The following PAX2 variants were observed in gnomAD, a reference collection of about 807,000 sequenced individuals.
PAX2 encodes the protein paired box 2.
PAX2 carries 9 observed loss-of-function variants against 41.7 expected under a neutral mutation model. That is an observed-to-expected ratio of 0.22 (90% confidence interval 0.13 to 0.38). The LOEUF (loss-of-function observed/expected upper bound fraction) is 0.38, where lower values mean the gene tolerates loss of function less well. PAX2 is among the 10% of genes least tolerant of loss of function. The pLI is 1.00. For synonymous variants in PAX2, 221 were observed against 212.7 expected, an observed-to-expected ratio of 1.04 and a Z score of -0.34; for missense variants, 418 against 531.6, an observed-to-expected ratio of 0.79 and a Z score of 2.10.
In PAX2 at chr10:100,758,409, G is replaced by A. The variant is rs573142889; in HGVS notation, c.410+7518G>A. Reference sequence around the variant, plus strand: ...CCCGCCTCGGCCTCCCAGATTGCTGGGATTACAGGCGTGAGCCACCGCGCC... The same window carrying A: ...CCCGCCTCGGCCTCCCAGATTGCTGAGATTACAGGCGTGAGCCACCGCGCC... On this transcript the variant is annotated intron_variant, in intron 3 of 9. Transcript: ENST00000355243. 2.4e-3 allele frequency among the ~76,000 whole-genome samples: 368 copies of A among 151,968 alleles called. 1 individual carries two copies. Among genetic ancestry groups the A allele is most frequent in the African/African-American group, 8.1e-3 (337 of 41,444 alleles).
rs1848615969 is a variant in PAX2 at position 100,827,482 on chromosome 10, C to T, written c.1109-61C>T. On this transcript the variant is annotated intron_variant, in intron 9 of 9. Coordinates refer to ENST00000355243, the MANE Select transcript of PAX2 (RefSeq NM_000278.5). The surrounding 1 kb of genome is among the most constrained non-coding windows in gnomAD (Gnocchi z 8.5). ...GAGGTCTTTTCTGTGCTTTTCTTTC[C>T]TTTTTTGTTCTCCTGTTTGTCCTCT... 7.7e-6 allele frequency: 12 copies of T among 1,549,100 alleles called. No homozygotes were observed. The Middle Eastern group carries it at 5.1e-4, about 65-fold the overall frequency.
In PAX2 at chr10:100,745,755, G is replaced by C; in HGVS notation, c.-506G>C. 1 of 1,043,626 alleles carries C rather than the reference G, an allele frequency of 9.6e-7. No homozygotes were observed. The highest frequency in any genetic ancestry group is 1.2e-6 in the Non-Finnish European group (1 of 865,848). The allele number at this position is 1,043,626 out of a possible 1,614,324, so 64.6% of individuals were successfully genotyped here. A position where few individuals can be genotyped will look rare whatever the true frequency, so the allele number is the denominator to read the frequency against. ...CTCCCCTCCCGCAGGCGCCACCTCGGACATCCCCGGGATTGCTACTTCTCT... is the reference window on the plus strand; with the variant it reads ...CTCCCCTCCCGCAGGCGCCACCTCGCACATCCCCGGGATTGCTACTTCTCT... On this transcript the variant is annotated 5_prime_UTR_variant, in exon 1 of 10. Transcript: ENST00000355243.
At chr10:100,810,442 T>G (rs79719567) in intron 7 of PAX2, among the ~76,000 whole-genome samples, 5 of 152,102 alleles carry the variant, frequency 3.3e-5, no homozygotes. Context: ...ATTCTAGAAG[T>G]GTTGGAGACC....
chr10:100,827,663 C>T lies in PAX2; in HGVS notation c.*44C>T, dbSNP rs1426546557. On this transcript the variant is annotated 3_prime_UTR_variant, in exon 10 of 10. Transcript: ENST00000355243. This position sits in a 1 kb window ranked among gnomAD's most constrained non-coding sequence, Gnocchi z 8.5. ...CAAGCTTCAGGCCGACAGCTTCGGC[C>T]TCCACATCGTCCCCGTCTGACCCCA... The T allele has an allele frequency of 1.2e-6, 2 of 1,613,700 alleles. No individual in the cohort carries two copies. Among genetic ancestry groups the T allele is most frequent in the Non-Finnish European group, 1.7e-6 (2 of 1,179,882 alleles).
chr10:100,794,797 C>G (rs773079784), intron 5 of PAX2, among the ~76,000 whole-genome samples: 17 of 152,178 alleles, frequency 1.1e-4, no homozygotes, highest in African/African-American at 3.9e-4. Flanking sequence ...ACTAAAACCT[C>G]GAGATCTTTT....
chr10:100,761,580 C>T (rs1447311644), intron 3 of PAX2, among the ~76,000 whole-genome samples: 1 of 152,204 alleles, frequency 6.6e-6, no homozygotes, highest in African/African-American at 2.4e-5. Flanking sequence ...GCATTAATCG[C>T]ATTAAAGAGG....
At chr10:100,821,576 G>A (rs552168561) in intron 7 of PAX2, among the ~76,000 whole-genome samples, 212 of 152,330 alleles carry the variant, frequency 1.4e-3, no homozygotes, top group South Asian at 7.5e-3. Flanking sequence ...CTACCTGAGG[G>A]AAGTTGCCAT....
chr10:100,735,588 G>T, exon 1 of PAX2: 1 of 823,198 alleles, frequency 1.2e-6, no homozygotes, highest in Non-Finnish European at 1.5e-6. Context: ...GCTTGGTGTT[G>T]GGTGGCTGCG....
At chr10:100,804,691 G>A (rs1444687366) in intron 5 of PAX2, among the ~76,000 whole-genome samples, 2 of 152,180 alleles carry the variant, frequency 1.3e-5, no homozygotes, top group Admixed American at 6.5e-5. Context: ...TTCCACACAC[G>A]CAGACCCTTG....
chr10:100,735,819 C>T, intron 1 of PAX2: 1 of 870,870 alleles, frequency 1.1e-6, no homozygotes, highest in South Asian at 5.4e-5. Flanking sequence ...GGGCTCCTCT[C>T]CTCTTTCATC....
rs67035383 is a variant in PAX2, at chr10:100,829,223, C to G, written c.*1604C>G. The G allele has an allele frequency of 0.15, 34,533 of 232,050 alleles. 2,936 individuals are homozygous for G. Among genetic ancestry groups the G allele is most frequent in the African/African-American group, 0.2 (9,182 of 45,168 alleles). The allele number at this position is 232,050 out of a possible 1,614,324, so 14.4% of individuals were successfully genotyped here. A position where few individuals can be genotyped will look rare whatever the true frequency, so the allele number is the denominator to read the frequency against. The stretch of plus-strand genomic sequence containing the variant: ...TTTTCGCTTTTTCCTCCCTGCCCCT[C>G]TCTCCCTCTGCCCCTCTCTCCTCTC... On this transcript the variant is annotated 3_prime_UTR_variant, in exon 10 of 10. Transcript: ENST00000355243.
rs1848615319 is a variant in PAX2, at chr10:100,827,471, GCTTTT to G, written c.1109-67_1109-63del. On this transcript the variant is annotated intron_variant, in intron 9 of 9. Coordinates refer to ENST00000355243, the MANE Select transcript of PAX2 (RefSeq NM_000278.5). The surrounding 1 kb of genome is among the most constrained non-coding windows in gnomAD (Gnocchi z 8.5). The stretch of plus-strand genomic sequence containing the variant: ...CCCAGCCAGGGGAGGTCTTTTCTGT[GCTTTT>G]CTTTCCTTTTTTGTTCTCCTGTTTG... 15 of 1,498,310 alleles carry G rather than the reference GCTTTT, an allele frequency of 1.0e-5. No homozygotes were observed. Among genetic ancestry groups the G allele is most frequent in the Non-Finnish European group, 1.4e-5 (15 of 1,075,008 alleles). The allele number at this position is 1,498,310 out of a possible 1,614,324, so 92.8% of individuals were successfully genotyped here.
chr10:100,771,888 A>G (rs1264197005), intron 3 of PAX2, among the ~76,000 whole-genome samples: 2 of 151,970 alleles, frequency 1.3e-5, no homozygotes, highest in Non-Finnish European at 2.9e-5. Context: ...GCTCACTGCA[A>G]CTTTCACCTC....
chr10:100,761,570 G>A (rs1161369902), intron 3 of PAX2, among the ~76,000 whole-genome samples: 1 of 152,210 alleles, frequency 6.6e-6, no homozygotes, highest in African/African-American at 2.4e-5. Flanking sequence ...TGCTAACTGA[G>A]CATTAATCGC....
At chr10:100,746,450 CTCGCCCGGTGTT>C in intron 1 of PAX2, 147 bp downstream of exon 1, 1 of 732,168 alleles carries the variant, frequency 1.4e-6, no homozygotes, top group South Asian at 1.4e-5. Flanking sequence ...CTTTCTCTCC[CTCGCCCGGTGTT>C]TCTAATGCCT....
intron 1 of PAX2, chr10:100,747,628 G>C (rs2133827028): frequency 1.0e-6 from 1 of 984,906 alleles, no homozygotes; most frequent in South Asian, 4.7e-5. Flanking sequence ...AGGGAGAGCT[G>C]TGTTTTTCGC....
chr10:100,824,841 G>C lies in PAX2; in HGVS notation c.1021+92G>C. The C allele has an allele frequency of 2.0e-6, 3 of 1,514,382 alleles. No homozygotes were observed. Among genetic ancestry groups the C allele is most frequent in the East Asian group, 2.3e-5 (1 of 44,404 alleles). The allele number at this position is 1,514,382 out of a possible 1,614,324, so 93.8% of individuals were successfully genotyped here. A position where few individuals can be genotyped will look rare whatever the true frequency, so the allele number is the denominator to read the frequency against. On this transcript the variant is annotated intron_variant, in intron 8 of 9. Coordinates refer to ENST00000355243, the MANE Select transcript of PAX2 (RefSeq NM_000278.5). This position sits in a 1 kb window ranked among gnomAD's most constrained non-coding sequence, Gnocchi z 6.6. ...TGGTCTGTAGTCTGAGGCTGGGGTGGGGGGAGACACAACGTCCCCTCCCTG... is the reference window on the plus strand; with the variant it reads ...TGGTCTGTAGTCTGAGGCTGGGGTGCGGGGAGACACAACGTCCCCTCCCTG...
At chr10:100,805,334 G>A (rs1032731454) in intron 5 of PAX2, among the ~76,000 whole-genome samples, 1 of 152,096 alleles carries the variant, frequency 6.6e-6, no homozygotes, top group Non-Finnish European at 1.5e-5. Context: ...GAACACCCTG[G>A]GGCCTCCGGC....
intron 5 of PAX2, 136 bp downstream of exon 5, chr10:100,781,501 C>A: frequency 1.1e-6 from 1 of 922,938 alleles, no homozygotes; most frequent in Non-Finnish European, 1.8e-6. Flanking sequence ...CCCCCCACTG[C>A]CCTGCTGGCT....
Sources: allele counts gnomAD v4.1 joint callset (sites outside exome capture counted in the v4.1 genomes callset), GRCh38; gene constraint gnomAD v4.1.1; non-coding constraint Gnocchi (gnomAD v3.1); transcripts MANE v1.5; gene names NCBI Gene and HGNC (gene_info 2026-07-23, HGNC 2026-07-21).